Variants in TJP1 observed in about 807,000 individuals in gnomAD.
The protein encoded by TJP1 is tight junction protein ZO-1.
TJP1 carries 43 observed loss-of-function variants against 194.2 expected under a neutral mutation model. The ratio of observed to expected loss-of-function variants is 0.22; its 90% CI spans 0.17 to 0.29. TJP1 has a LOEUF of 0.29. TJP1 is among the 10% of genes least tolerant of loss of function. The pLI is 1.00. For missense variants in TJP1, 1,971 were observed against 2,185.7 expected, an observed-to-expected ratio of 0.90 and a Z score of 1.96; for synonymous variants, 801 against 779.0, an observed-to-expected ratio of 1.03 and a Z score of -0.47.
intron 2 of TJP1, among the ~76,000 whole-genome samples, chr15:29,912,660 C>A (rs2054052395): frequency 7.9e-6 from 1 of 126,320 alleles, no homozygotes; most frequent in Non-Finnish European, 1.6e-5. Flanking sequence ...CATGCCACTG[C>A]ACTCCAGCCT....
At chr15:29,759,992 C>CTT in intron 8 of TJP1, 1 of 484,236 alleles carries the variant, frequency 2.1e-6, no homozygotes, top group Non-Finnish European at 3.6e-6. Flanking sequence ...AGTGGAATTG[C>CTT]TGGATCATGT....
Position 29,709,067 on chromosome 15 carries a change from T to G in TJP1, c.4373-31A>C, listed in dbSNP as rs1479301136. On this transcript the variant is annotated intron_variant, in intron 24 of 27. Transcript: ENST00000614355. ...AAACAAACGTAAGCATTTAAATAAC[T>G]TTCTGAAAAAAGTTATAATAGCCCT... The G allele has an allele frequency of 3.2e-6, 5 of 1,580,322 alleles. No homozygotes were observed. The South Asian group carries it at 4.6e-5, about 15-fold the overall frequency.
At chr15:29,952,485 G>A (rs181574706) in intron 2 of TJP1, among the ~76,000 whole-genome samples, 8 of 152,104 alleles carry the variant, frequency 5.3e-5, no homozygotes, top group East Asian at 3.9e-4. Context: ...GATGATGCCC[G>A]GGACCAAAGC....
intron 8 of TJP1, among the ~76,000 whole-genome samples, chr15:29,746,103 G>C (rs1045648490): frequency 2.0e-5 from 3 of 152,226 alleles, no homozygotes; most frequent in Non-Finnish European, 2.9e-5. Flanking sequence ...AAACGGCTGG[G>C]CGCAGTGGCT....
rs759039330 is a variant in TJP1 at position 29,709,049 on chromosome 15, C to T, written c.4373-13G>A. 67 of 1,594,686 alleles carry T rather than the reference C, an allele frequency of 4.2e-5. No individual in the cohort carries two copies. The highest frequency in any genetic ancestry group is 2.6e-4 in the South Asian group (23 of 89,298). ...GACACTGAATTACCTGAAAAACAAA[C>T]GTAAGCATTTAAATAACTTTCTGAA... On this transcript the variant is annotated splice_polypyrimidine_tract_variant and intron_variant, in intron 24 of 27. Coordinates refer to ENST00000614355, the MANE Select transcript of TJP1 (RefSeq NM_001330239.4).
At chr15:29,794,954 T>A (rs2048312568) in intron 2 of TJP1, among the ~76,000 whole-genome samples, 2 of 152,082 alleles carry the variant, frequency 1.3e-5, no homozygotes, top group Admixed American at 6.5e-5. Flanking sequence ...TCAATAAAAT[T>A]GTCAAACCTC....
intron 2 of TJP1, among the ~76,000 whole-genome samples, chr15:29,908,047 G>GAAAAAAAAAAAAAAA (rs2053876752): frequency 3.3e-4 from 1 of 3,036 alleles, no homozygotes; most frequent in East Asian, 0.011. Flanking sequence ...ACCTTATAAA[G>GAAAAAAAAAAAAAAA]CAAAAAAAAA....
chr15:29,943,411 T>C (rs1224484712), intron 2 of TJP1, among the ~76,000 whole-genome samples: 1 of 151,728 alleles, frequency 6.6e-6, no homozygotes, highest in Non-Finnish European at 1.5e-5. Context: ...GGGTGGATCA[T>C]GAGGTCAGGA....
At chr15:29,846,683 T>C (rs2051422813) in intron 2 of TJP1, among the ~76,000 whole-genome samples, 1 of 152,052 alleles carries the variant, frequency 6.6e-6, no homozygotes, top group African/African-American at 2.4e-5. Context: ...CCCAGCACTT[T>C]GGGAGGCCGA....
intron 2 of TJP1, among the ~76,000 whole-genome samples, chr15:29,797,215 G>C (rs1370365043): frequency 3.3e-5 from 5 of 152,140 alleles, no homozygotes; most frequent in Non-Finnish European, 7.4e-5. Flanking sequence ...GTGGCACGAT[G>C]TCAGGGTCAT....
At chr15:29,906,468 A>AAGATAAATAAATAAAT (rs2053816428) in intron 2 of TJP1, among the ~76,000 whole-genome samples, 1 of 138,910 alleles carries the variant, frequency 7.2e-6, no homozygotes, top group Non-Finnish European at 1.5e-5. Context: ...ACTCCGTCTC[A>AAGATAAATAAATAAAT]AAATAAATAA....
Position 29,719,114 on chromosome 15 carries a change from C to T in TJP1, c.3028G>A (p.Glu1010Lys), listed in dbSNP as rs202197533. 83 of 1,613,132 alleles carry T rather than the reference C, an allele frequency of 5.1e-5. No individual in the cohort carries two copies. The highest frequency in any genetic ancestry group is 6.6e-5 in the South Asian group (6 of 90,890). ...TKVYRKDPYP[E>K]EMMRQNHVLK... Reference sequence around the variant, plus strand: ...ACATGGTTCTGCCTCATCATTTCCTCGGGATATGGATCCTTTCTATACACC... The same window carrying T: ...ACATGGTTCTGCCTCATCATTTCCTTGGGATATGGATCCTTTCTATACACC... Residue 1010 changes from glutamate to lysine, a missense_variant, in exon 21 of 28, where the codon GAG (glutamate) becomes AAG (lysine). Glu to Lys is a moderately conservative substitution (Grantham distance 56). Coordinates refer to ENST00000614355, the MANE Select transcript of TJP1 (RefSeq NM_001330239.4).
In TJP1 at chr15:29,726,496, G is replaced by A. The variant is rs180952649; in HGVS notation, c.2312-17C>T. The stretch of plus-strand genomic sequence containing the variant: ...TAATTGTAGCTGAAAATAAATTAAC[G>A]ATGTAGTTTTATGGTTAGAGCACTG... On this transcript the variant is annotated splice_polypyrimidine_tract_variant and intron_variant, in intron 17 of 27. Transcript: ENST00000614355. 8.1e-5 allele frequency: 130 copies of A among 1,609,974 alleles called. No individual in the cohort carries two copies. In the African/African-American group the frequency reaches 1.4e-3, roughly 17 times the overall value.
At chr15:29,859,125 CA>C (rs963711556) in intron 2 of TJP1, among the ~76,000 whole-genome samples, 2 of 151,990 alleles carry the variant, frequency 1.3e-5, no homozygotes, top group African/African-American at 4.8e-5. Flanking sequence ...TTTGTAATAA[CA>C]AGGAAAAAGT....
At chr15:29,878,292 C>T (rs1264778033) in intron 2 of TJP1, among the ~76,000 whole-genome samples, 6 of 152,214 alleles carry the variant, frequency 3.9e-5, no homozygotes, top group Admixed American at 2.0e-4. Flanking sequence ...CTCCGTGATC[C>T]GCCCGCCTCG....
chr15:29,947,003 T>A (rs1398170235), intron 2 of TJP1, among the ~76,000 whole-genome samples: 2 of 152,252 alleles, frequency 1.3e-5, no homozygotes, highest in Middle Eastern at 3.2e-3. Context: ...TTTTGTATTT[T>A]AACCATTTGG....
intron 1 of TJP1, among the ~76,000 whole-genome samples, chr15:29,819,369 CTG>C (rs10531096): frequency 0.62 from 93,573 of 151,782 alleles, 30,328 homozygotes; most frequent in East Asian, 0.71. Flanking sequence ...TATCGTATCT[CTG>C]TGTTTCAATT....
chr15:29,720,710 T>C lies in TJP1; in HGVS notation c.2413-2A>G. 6.3e-7 allele frequency: 1 copy of C among 1,577,724 alleles called. No homozygotes were observed. Among genetic ancestry groups the C allele is most frequent in the Non-Finnish European group, 8.6e-7 (1 of 1,161,160 alleles). The stretch of plus-strand genomic sequence containing the variant: ...GTCATCACTTGTAGCACCATCCGCC[T>C]GGGTCAAATAAAAGTAAATTACAAA... On this transcript the variant is annotated splice_acceptor_variant, in intron 18 of 27. Transcript: ENST00000614355. LOFTEE classifies it high-confidence loss of function.
At chr15:29,736,877 G>A (rs2044067693) in intron 11 of TJP1, among the ~76,000 whole-genome samples, 1 of 152,214 alleles carries the variant, frequency 6.6e-6, no homozygotes, top group African/African-American at 2.4e-5. Flanking sequence ...AGGAACACTT[G>A]ATGTTGCTTG....
Sources: allele counts gnomAD v4.1 joint callset (sites outside exome capture counted in the v4.1 genomes callset), GRCh38; gene constraint gnomAD v4.1.1; transcripts MANE v1.5; gene names NCBI Gene and HGNC (gene_info 2026-07-23, HGNC 2026-07-21).